GARIN2: variants seen among roughly 807,000 people sequenced by gnomAD.
GARIN2 encodes the protein Golgi-associated RAB2 interactor protein 2.
At chr14:67,203,738 A>C in the GARIN2 span, among the ~76,000 whole-genome samples, 5 of 152,196 alleles carry the variant, frequency 3.3e-5, no homozygotes, top group African/African-American at 1.2e-4. Flanking sequence ...TTTGAGATGG[A>C]GTCTTGCACT....
chr14:67,200,981 G>A, the GARIN2 span, among the ~76,000 whole-genome samples: 1 of 152,146 alleles, frequency 6.6e-6, no homozygotes, highest in Non-Finnish European at 1.5e-5. Flanking sequence ...ATTCCTGACT[G>A]AACAGGTTTA....
At chr14:67,204,969 AGAAGTCATAGAAGTCAGAGAAGCCACG>A in the GARIN2 span, 1 of 1,586,114 alleles carries the variant, frequency 6.3e-7, no homozygotes, top group East Asian at 2.3e-5. Flanking sequence ...GAATTGTCAC[AGAAGTCATAGAAGTCAGAGAAGCCACG>A]GAAGTCACAG....
the GARIN2 span, chr14:67,225,255 A>G: frequency 2.3e-4 from 351 of 1,512,652 alleles, 3 homozygotes; most frequent in South Asian, 3.0e-3. Flanking sequence ...AACATGTAAG[A>G]CAAACTAAAG....
chr14:67,199,205 A>C, the GARIN2 span: 13 of 1,606,966 alleles, frequency 8.1e-6, no homozygotes, highest in Non-Finnish European at 1.0e-5. Context: ...CAAAGGATAG[A>C]GTCACTGGCC....
At chr14:67,222,747 C>T in the GARIN2 span, among the ~76,000 whole-genome samples, 12 of 152,008 alleles carry the variant, frequency 7.9e-5, no homozygotes, top group African/African-American at 2.7e-4. Flanking sequence ...AGTGCTGAAC[C>T]AGCTCTAAGT....
the GARIN2 span, chr14:67,223,748 C>G: frequency 1.0e-6 from 1 of 984,644 alleles, no homozygotes; most frequent in Non-Finnish European, 1.2e-6. Flanking sequence ...TTTTTTCTTA[C>G]TTAGGCTTGT....
chr14:67,193,954 C>CAAAAAAAAAAACAAA, the GARIN2 span, among the ~76,000 whole-genome samples: 26 of 85,746 alleles, frequency 3.0e-4, no homozygotes, highest in South Asian at 7.4e-4. Context: ...CAAAAAAAAA[C>CAAAAAAAAAAACAAA]AAAAAAAAAA....
Sources: gnomAD v4.1 joint callset for allele counts (sites outside exome capture counted in the v4.1 genomes callset) on GRCh38, gnomAD v4.1.1 for gene constraint, MANE v1.5 for transcripts, NCBI Gene and HGNC (gene_info 2026-07-23, HGNC 2026-07-21) for gene names.